CCSER1: variants seen among roughly 807,000 people sequenced by gnomAD.
The protein encoded by CCSER1 is coiled-coil serine rich protein 1, also known as serine-rich coiled-coil domain-containing protein 1.
Under a neutral mutation model 82.0 loss-of-function variants are expected in CCSER1, and 41 were observed. That is an observed-to-expected ratio of 0.50 (90% CI 0.39 to 0.65). The LOEUF is 0.65. Among genes scored for constraint, CCSER1 ranks in the 30% least tolerant of loss-of-function variants. CCSER1 has a pLI of 0.00. For missense variants in CCSER1, 1,119 were observed against 1,064.2 expected, an observed-to-expected ratio of 1.05 and a Z score of -0.72; for synonymous variants, 414 against 383.9, an observed-to-expected ratio of 1.08 and a Z score of -0.92.
intron 10 of CCSER1, among the ~76,000 whole-genome samples, chr4:91,204,802 G>A (rs79877790): frequency 0.037 from 5,671 of 151,460 alleles, 178 homozygotes; most frequent in African/African-American, 0.08. Context: ...TAATGAAAAA[G>A]GTTAGCATGG....
chr4:90,769,375 T>C (rs1751736441), intron 7 of CCSER1, among the ~76,000 whole-genome samples: 1 of 152,180 alleles, frequency 6.6e-6, no homozygotes, highest in Non-Finnish European at 1.5e-5. Flanking sequence ...CTCAGAATTA[T>C]GCTGATAGGG....
chr4:91,299,630 GA>G (rs1744503758), intron 10 of CCSER1, among the ~76,000 whole-genome samples: 1 of 151,838 alleles, frequency 6.6e-6, no homozygotes, highest in African/African-American at 2.4e-5. Flanking sequence ...GCGTAAATAA[GA>G]AAATAGTACT....
intron 1 of CCSER1, among the ~76,000 whole-genome samples, chr4:90,306,442 C>T (rs748973328): frequency 6.6e-6 from 1 of 151,948 alleles, no homozygotes; most frequent in Non-Finnish European, 1.5e-5. Flanking sequence ...CGTTATACCT[C>T]ATAAGTATAT....
At chr4:90,618,050 T>C (rs1023062254) in intron 5 of CCSER1, among the ~76,000 whole-genome samples, 5 of 152,060 alleles carry the variant, frequency 3.3e-5, no homozygotes, top group African/African-American at 1.2e-4. Flanking sequence ...ATTGAATACA[T>C]ATATCACAAG....
chr4:91,377,581 C>T (rs1032656407), intron 10 of CCSER1, among the ~76,000 whole-genome samples: 3 of 152,104 alleles, frequency 2.0e-5, no homozygotes, highest in Non-Finnish European at 4.4e-5. Context: ...CCTTTGCCCA[C>T]GTTTTGATGG....
At chr4:91,239,097 T>C (rs1272017438) in intron 10 of CCSER1, among the ~76,000 whole-genome samples, 1 of 151,398 alleles carries the variant, frequency 6.6e-6, no homozygotes. Context: ...AGTGCTGGTA[T>C]TACAAGCGTG....
chr4:91,355,764 G>A (rs1354906174), intron 10 of CCSER1, among the ~76,000 whole-genome samples: 3 of 152,126 alleles, frequency 2.0e-5, no homozygotes, highest in Admixed American at 2.0e-4. Context: ...GCAGGGGCTG[G>A]CGAAGCTGCT....
chr4:90,129,338 CTCTT>C (rs754756562), intron 1 of CCSER1, among the ~76,000 whole-genome samples: 2 of 152,216 alleles, frequency 1.3e-5, no homozygotes, highest in African/African-American at 2.4e-5. Context: ...GTCTTGGTTT[CTCTT>C]TCTGTTTGCT....
intron 1 of CCSER1, among the ~76,000 whole-genome samples, chr4:90,152,217 T>G (rs534684426): frequency 6.6e-6 from 1 of 152,272 alleles, no homozygotes; most frequent in East Asian, 1.9e-4. Context: ...CCCTGACTAG[T>G]AGGAGGGTGG....
rs541355887 is a variant in CCSER1 at position 90,523,721 on chromosome 4, G to A, written c.1724+55367G>A. Among the ~76,000 whole-genome samples, 22 of 152,164 alleles carry A rather than the reference G, an allele frequency of 1.4e-4. No homozygotes were observed. In the South Asian group the frequency reaches 4.2e-3, roughly 29 times the overall value. On this transcript the variant is annotated intron_variant, in intron 5 of 10. Transcript: ENST00000509176. ...GCAGGTCAGTTTCATCATCTGGAAAGATGATTTTCATGATACTCCAAACTA... is the reference window on the plus strand; with the variant it reads ...GCAGGTCAGTTTCATCATCTGGAAAAATGATTTTCATGATACTCCAAACTA...
chr4:91,084,065 G>T (rs542212650), intron 9 of CCSER1, among the ~76,000 whole-genome samples: 1 of 152,084 alleles, frequency 6.6e-6, no homozygotes, highest in African/African-American at 2.4e-5. Flanking sequence ...CGAGTAGCTG[G>T]GATTATGGGC....
chr4:90,908,597 G>T (rs183491968), intron 8 of CCSER1, among the ~76,000 whole-genome samples: 8 of 152,164 alleles, frequency 5.3e-5, no homozygotes, highest in Admixed American at 2.6e-4. Flanking sequence ...ATGATTTTAA[G>T]ATGCAATAAA....
rs1471311677 is a variant in CCSER1 at position 91,496,860 on chromosome 4, T to TTGAATATATATTGAATAAATATATATTC, written c.2218-101712_2218-101711insTGAATATATATTGAATAAATATATATTC. Among the ~76,000 whole-genome samples, 48 of 133,464 alleles carry TTGAATATATATTGAATAAATATATATTC rather than the reference T, an allele frequency of 3.6e-4. 1 individual carries two copies. Among genetic ancestry groups the TTGAATATATATTGAATAAATATATATTC allele is most frequent in the African/African-American group, 1.2e-3 (44 of 36,730 alleles). 87.6% of individuals were successfully genotyped at this position (133,464 alleles called of 152,430 possible). ...TTGAATATATATATATTCAAATATA[T>TTGAATATATATTGAATAAATATATATTC]ATTGAATATATATATTCAATTCAAA... On this transcript the variant is annotated intron_variant, in intron 10 of 10. Coordinates refer to ENST00000509176, the MANE Select transcript of CCSER1 (RefSeq NM_001145065.2).
chr4:90,225,231 ATT>A (rs57188209), intron 1 of CCSER1, among the ~76,000 whole-genome samples: 90 of 111,858 alleles, frequency 8.0e-4, no homozygotes, highest in Non-Finnish European at 1.3e-3. Flanking sequence ...TACCCGGCTA[ATT>A]TTTTTTTTTT....
intron 3 of CCSER1, among the ~76,000 whole-genome samples, chr4:90,380,709 C>G (rs11931167): frequency 0.37 from 55,527 of 152,054 alleles, 10,663 homozygotes; most frequent in African/African-American, 0.47. Context: ...TTGTCATTTT[C>G]CATACCTTTA....
intron 7 of CCSER1, among the ~76,000 whole-genome samples, chr4:90,726,749 C>G (rs1223063340): frequency 6.6e-6 from 1 of 152,092 alleles, no homozygotes; most frequent in African/African-American, 2.4e-5. Flanking sequence ...ATTGGTGTAG[C>G]TAGCCTTTCA....
chr4:91,272,449 T>A (rs1244932421), intron 10 of CCSER1, among the ~76,000 whole-genome samples: 2 of 152,180 alleles, frequency 1.3e-5, no homozygotes, highest in Non-Finnish European at 2.9e-5. Flanking sequence ...TGGAATTGGT[T>A]TTTTTTCTTG....
chr4:90,839,110 G>T, intron 8 of CCSER1: 1 of 1,079,482 alleles, frequency 9.3e-7, no homozygotes. Context: ...CCACCACCGA[G>T]TTGTCGCCAT....
chr4:90,574,486 T>A (rs1780506081), intron 5 of CCSER1, among the ~76,000 whole-genome samples: 1 of 151,174 alleles, frequency 6.6e-6, no homozygotes, highest in African/African-American at 2.4e-5. Context: ...GCCAGGATGG[T>A]CTCGATCTCC....
Sources: gnomAD v4.1 joint callset for allele counts (sites outside exome capture counted in the v4.1 genomes callset) on GRCh38, gnomAD v4.1.1 for gene constraint, MANE v1.5 for transcripts, NCBI Gene and HGNC (gene_info 2026-07-23, HGNC 2026-07-21) for gene names.